ZP2: variants seen among roughly 807,000 people sequenced by gnomAD.
The protein encoded by ZP2 is zona pellucida sperm-binding protein 2.
Under a neutral mutation model 84.0 loss-of-function variants are expected in ZP2, and 51 were observed. That is an observed-to-expected ratio of 0.61 (90% CI 0.49 to 0.77). The LOEUF (loss-of-function observed/expected upper bound fraction) is 0.77, where lower values mean the gene tolerates loss of function less well. Among genes scored for constraint, ZP2 ranks in the 30% least tolerant of loss-of-function variants. The pLI is 0.00. For missense variants in ZP2, 909 were observed against 911.9 expected, an observed-to-expected ratio of 1.00 and a Z score of 0.04; for synonymous variants, 375 against 330.9, an observed-to-expected ratio of 1.13 and a Z score of -1.45.
chr16:21,201,947 CT>C lies in ZP2; in HGVS notation c.1363del (p.Arg455GlufsTer7). ...TTTATCTCACCTGAACTCACTGTCT[CT>C]AGATATTTTGCTTGGAGGAAAATCC... ...WTDFPPSKIS[R>X]DSEFRMTVKC... On this transcript the variant is annotated frameshift_variant, in exon 12 of 19. Coordinates refer to ENST00000574091, the MANE Select transcript of ZP2 (RefSeq NM_001376232.1). LOFTEE classifies it high-confidence loss of function. The C allele has an allele frequency of 6.2e-7, 1 of 1,614,004 alleles. No homozygotes were observed. Among genetic ancestry groups the C allele is most frequent in the Non-Finnish European group, 8.5e-7 (1 of 1,179,964 alleles).
At chr16:21,206,521 C>T (rs1042963878) in intron 5 of ZP2, among the ~76,000 whole-genome samples, 1 of 152,112 alleles carries the variant, frequency 6.6e-6, no homozygotes, top group Admixed American at 6.5e-5. Context: ...GGGCCTGGAA[C>T]ATGGCATGTA....
At position 21,206,233 on chromosome 16, in the gene ZP2, G is replaced by A. The variant is rs1316539256; in HGVS notation, c.484-458C>T. Among the ~76,000 whole-genome samples the A allele has an allele frequency of 2.0e-5, 3 of 152,126 alleles. No individual in the cohort carries two copies. The East Asian group carries it at 5.8e-4, about 29-fold the overall frequency. On this transcript the variant is annotated intron_variant, in intron 5 of 18. Transcript: ENST00000574091. ...GCTGGTCTCAAACTCCTGACCTCAGGTGATCCACCTACCTCAGCCTCCCAA... is the reference window on the plus strand; with the variant it reads ...GCTGGTCTCAAACTCCTGACCTCAGATGATCCACCTACCTCAGCCTCCCAA...
At chr16:21,210,302 A>G in intron 2 of ZP2, 110 bp from the exon 3 acceptor site, 1 of 828,352 alleles carries the variant, frequency 1.2e-6, no homozygotes, top group Non-Finnish European at 2.1e-6. Context: ...GGGAGGCAAG[A>G]ATCGTCCCCT....
chr16:21,199,355 T>G (rs2093214496), intron 16 of ZP2, among the ~76,000 whole-genome samples: 1 of 143,954 alleles, frequency 6.9e-6, no homozygotes, highest in African/African-American at 2.7e-5. Flanking sequence ...GGATAGATTC[T>G]TAAAGAACTC....
intron 14 of ZP2, 83 bp from the exon 15 acceptor site, chr16:21,199,961 T>C (rs1445729115): frequency 7.7e-6 from 12 of 1,552,720 alleles, no homozygotes; most frequent in African/African-American, 1.4e-5. Context: ...TAGTCATACG[T>C]AATATCTTCA....
intron 4 of ZP2, among the ~76,000 whole-genome samples, chr16:21,207,919 AAC>A (rs933476995): frequency 3.3e-5 from 5 of 151,824 alleles, no homozygotes; most frequent in African/African-American, 9.7e-5. Context: ...AACAAACAAA[AAC>A]ACAAAAAAAA....
chr16:21,202,163 G>C lies in ZP2; in HGVS notation c.1228C>G (p.Gln410Glu), dbSNP rs1428551460. The stretch of plus-strand genomic sequence containing the variant: ...TGGAACCGTACCAGCCCCTGAGACT[G>C]AGCCTCAAAGACAGGCTGGCAGGAT... Reference protein sequence around the residue: ...NSSCQPVFEAQSQGLVRFHIP... With the variant: ...NSSCQPVFEAESQGLVRFHIP... The change falls in exon 11 of 19, where the codon CAG becomes GAG. Residue 410 changes from glutamine (Q) to glutamate (E), a missense_variant. Gln to Glu is a conservative substitution (Grantham distance 29). Transcript: ENST00000574091. 1 of 1,605,318 alleles carries C rather than the reference G, an allele frequency of 6.2e-7. No homozygotes were observed. Among genetic ancestry groups the C allele is most frequent in the African/African-American group, 1.3e-5 (1 of 74,322 alleles).
In ZP2 at chr16:21,210,100, G is replaced by GT; in HGVS notation, c.235+8dup. 6.2e-7 allele frequency: 1 copy of GT among 1,612,714 alleles called. No individual in the cohort carries two copies. The highest frequency in any genetic ancestry group is 8.5e-7 in the Non-Finnish European group (1 of 1,178,882). The stretch of plus-strand genomic sequence containing the variant: ...TCAGGACTATGAGGAGATAACACAC[G>GT]TTACCTACCCACCACAGATGCATGC... On this transcript the variant is annotated intron_variant, in intron 3 of 18. Transcript: ENST00000574091.
In ZP2 at chr16:21,201,766, T is replaced by C. The variant is rs766514308; in HGVS notation, c.1444A>G (p.Thr482Ala). 3 of 1,614,016 alleles carry C rather than the reference T, an allele frequency of 1.9e-6. No homozygotes were observed. The highest frequency in any genetic ancestry group is 2.5e-6 in the Non-Finnish European group (3 of 1,180,000). Residue 482 changes from threonine to alanine, a missense_variant, in exon 13 of 19, where the codon ACT (threonine) becomes GCT (alanine). Transcript: ENST00000574091. ...MLLNINVESL[T>A]PPVASVKLGP... Reference sequence around the variant, plus strand: ...AACTTCACTGAGGCCACTGGAGGAGTAAGGCTTTCAACGTTGATGTTTAGT... The same window carrying C: ...AACTTCACTGAGGCCACTGGAGGAGCAAGGCTTTCAACGTTGATGTTTAGT...
intron 4 of ZP2, among the ~76,000 whole-genome samples, chr16:21,208,575 C>A (rs1348796797): frequency 6.6e-6 from 1 of 152,234 alleles, no homozygotes; most frequent in Non-Finnish European, 1.5e-5. Flanking sequence ...TTCCAAATTA[C>A]AACTTGCTAG....
intron 14 of ZP2, among the ~76,000 whole-genome samples, chr16:21,200,215 A>T (rs2093218929): frequency 1.3e-5 from 2 of 152,192 alleles, no homozygotes; most frequent in Admixed American, 1.3e-4. Flanking sequence ...AGGTGGGCAG[A>T]TCACCTGAGG....
Position 21,204,181 on chromosome 16 carries a change from G to C in ZP2, c.821C>G (p.Thr274Ser), listed in dbSNP as rs1456483428. ...CCCAGGAAACTCTGGTATGGTGAGAGTCATGTGTGTGGCATTGCAGGTCAC... is the reference window on the plus strand; with the variant it reads ...CCCAGGAAACTCTGGTATGGTGAGACTCATGTGTGTGGCATTGCAGGTCAC... ...DPVTCNATHM[T>S]LTIPEFPGKL... is the part of the protein sequence containing the mutation. Residue 274 changes from threonine to serine, a missense_variant, in exon 9 of 19, where the codon ACT becomes AGT. Physicochemically the swap from Thr to Ser is moderately conservative, Grantham distance 58. Coordinates refer to ENST00000574091, the MANE Select transcript of ZP2 (RefSeq NM_001376232.1). 1 of 1,614,162 alleles carries C rather than the reference G, an allele frequency of 6.2e-7. No homozygotes were observed. The highest frequency in any genetic ancestry group is 1.7e-5 in the Admixed American group (1 of 60,016).
chr16:21,206,553 T>G (rs2093250522), intron 5 of ZP2, among the ~76,000 whole-genome samples: 1 of 152,186 alleles, frequency 6.6e-6, no homozygotes, highest in Non-Finnish European at 1.5e-5. Flanking sequence ...AGATGATTAG[T>G]GTGAGTGCAA....
chr16:21,202,978 C>T, intron 10 of ZP2, 147 bp downstream of exon 10: 1 of 935,616 alleles, frequency 1.1e-6, no homozygotes, highest in Non-Finnish European at 1.5e-6. Context: ...CCCATCGTAG[C>T]AGCTACACTG....
Position 21,199,463 on chromosome 16 carries a change from G to A in ZP2, c.1927+107C>T, listed in dbSNP as rs539561169. ...TTTGACTGGGCCAACAAGAGCTCTGGGCAGTAAATAAAGTATGAGTTATAC... is the reference window on the plus strand; with the variant it reads ...TTTGACTGGGCCAACAAGAGCTCTGAGCAGTAAATAAAGTATGAGTTATAC... On this transcript the variant is annotated intron_variant, in intron 16 of 18. Transcript: ENST00000574091. 12 of 1,007,276 alleles carry A rather than the reference G, an allele frequency of 1.2e-5. No individual in the cohort carries two copies. The South Asian group carries it at 1.5e-4, about 13-fold the overall frequency. The allele number at this position is 1,007,276 out of a possible 1,614,324, so 62.4% of individuals were successfully genotyped here.
intron 7 of ZP2, among the ~76,000 whole-genome samples, chr16:21,205,013 C>T (rs559340904): frequency 2.0e-5 from 3 of 152,274 alleles, no homozygotes; most frequent in East Asian, 1.9e-4. Context: ...GAAATGGTCT[C>T]GCTCTGTCGC....
chr16:21,202,248 C>T lies in ZP2; in HGVS notation c.1143G>A (p.Glu381=). The change falls in exon 11 of 19, where the codon GAG becomes GAA. Residue 381 remains glutamate (E), a synonymous_variant. Coordinates refer to ENST00000574091, the MANE Select transcript of ZP2 (RefSeq NM_001376232.1). The part of the protein sequence containing the change: ...LCTQDGFMDV[E]VYSYQTQPAL... Reference sequence around the variant, plus strand: ...CTGGTTGTGTTTGGTAGCTGTAGACCTCGACGTCCATAAACCCATCCTGGG... The same window carrying T: ...CTGGTTGTGTTTGGTAGCTGTAGACTTCGACGTCCATAAACCCATCCTGGG... The T allele has an allele frequency of 6.4e-7, 1 of 1,557,368 alleles. No individual in the cohort carries two copies. The highest frequency in any genetic ancestry group is 8.6e-7 in the Non-Finnish European group (1 of 1,157,808).
Position 21,211,526 on chromosome 16 carries a change from C to T in ZP2, c.22G>A (p.Gly8Ser), listed in dbSNP as rs1034721942. Residue 8 changes from glycine (G) to serine (S), a missense_variant, in exon 1 of 19, where the codon GGC (glycine) becomes AGC (serine). Physicochemically the swap from Gly to Ser is moderately conservative, Grantham distance 56. Transcript: ENST00000574091. ...AACCAGCCTGAGGGACTCCAAGAGC[C>T]TCCTCTCTGCCTGCACGCCATAGCA... The part of the protein sequence containing the change: MACRQRG[G>S]SWSPSGWFNA... 6.2e-6 allele frequency: 10 copies of T among 1,614,070 alleles called. No individual in the cohort carries two copies. Among genetic ancestry groups the T allele is most frequent in the South Asian group, 1.1e-5 (1 of 91,086 alleles).
rs138628668 is a variant in ZP2 at position 21,203,765 on chromosome 16, T to C, written c.972+265A>G. On this transcript the variant is annotated intron_variant, in intron 9 of 18. Coordinates refer to ENST00000574091, the MANE Select transcript of ZP2 (RefSeq NM_001376232.1). ...TTGACAAGTAGTTGCTACTACTCAGTTGGGGCCTTAGACAGTTTTAAGACT... is the reference window on the plus strand; with the variant it reads ...TTGACAAGTAGTTGCTACTACTCAGCTGGGGCCTTAGACAGTTTTAAGACT... 4.9e-4 allele frequency: 253 copies of C among 520,366 alleles called. 2 individuals carry two copies. Among genetic ancestry groups the C allele is most frequent in the South Asian group, 4.8e-3 (225 of 47,016 alleles). The allele number at this position is 520,366 out of a possible 1,614,324, so 32.2% of individuals were successfully genotyped here.
Sources: gnomAD v4.1 joint callset for allele counts (sites outside exome capture counted in the v4.1 genomes callset) on GRCh38, gnomAD v4.1.1 for gene constraint, MANE v1.5 for transcripts, NCBI Gene and HGNC (gene_info 2026-07-23, HGNC 2026-07-21) for gene names.